Variants in WAC observed in about 807,000 individuals in gnomAD.
WAC encodes WW domain containing adaptor with coiled-coil, also known as WW domain-containing adapter protein with coiled-coil.
WAC carries 11 observed loss-of-function variants against 79.6 expected under a neutral mutation model. The observed-to-expected ratio is 0.14, with a 90% CI of 0.09 to 0.23. WAC has a LOEUF of 0.23. WAC is among the 10% of genes least tolerant of loss of function. The probability of loss-of-function intolerance (pLI) is 1.00; values close to 1 mark genes in which losing one functional copy is unlikely to be tolerated. For missense variants in WAC, 728 were observed against 773.5 expected (o/e 0.94, Z 0.70); for synonymous variants, 304 against 276.9 (o/e 1.10, Z -0.97).
At chr10:28,558,838 C>T (rs1838140946) in intron 3 of WAC, among the ~76,000 whole-genome samples, 1 of 152,160 alleles carries the variant, frequency 6.6e-6, no homozygotes, top group Non-Finnish European at 1.5e-5. Flanking sequence ...GGGCTTTTTA[C>T]TTGATACAGT....
chr10:28,590,912 T>A, intron 6 of WAC, 80 bp downstream of exon 6: 1 of 994,124 alleles, frequency 1.0e-6, no homozygotes, highest in Non-Finnish European at 1.5e-6. Context: ...CATTGCCATC[T>A]ACATATGTAA....
intron 9 of WAC, chr10:28,611,235 C>T: frequency 7.8e-7 from 1 of 1,286,860 alleles, no homozygotes; most frequent in African/African-American, 1.5e-5. Context: ...TGGAAATGCT[C>T]ATTTTCTGCC....
chr10:28,597,133 T>G (rs969967085), intron 7 of WAC, among the ~76,000 whole-genome samples: 2 of 152,146 alleles, frequency 1.3e-5, no homozygotes, highest in South Asian at 4.1e-4. Flanking sequence ...CCATATACTT[T>G]AGTATATATA....
Position 28,595,869 on chromosome 10 carries a change from C to G in WAC, c.747C>G (p.Pro249=). ...THSSSTPVQH[P]IKPVVHPTAT... Reference sequence around the variant, plus strand: ...GTAGTTCTACGCCAGTACAGCACCCCATCAAACCAGTGGTTCATCCAACTG... The same window carrying G: ...GTAGTTCTACGCCAGTACAGCACCCGATCAAACCAGTGGTTCATCCAACTG... Residue 249 remains proline (P), a synonymous_variant, in exon 7 of 14, where the codon CCC becomes CCG. Transcript: ENST00000354911. The G allele has an allele frequency of 6.2e-7, 1 of 1,614,182 alleles. No individual in the cohort carries two copies. Among genetic ancestry groups the G allele is most frequent in the Non-Finnish European group, 8.5e-7 (1 of 1,180,010 alleles).
At chr10:28,539,036 T>G (rs926271903) in intron 3 of WAC, among the ~76,000 whole-genome samples, 7 of 152,176 alleles carry the variant, frequency 4.6e-5, no homozygotes, top group Non-Finnish European at 7.4e-5. Flanking sequence ...TTTCCCAGTT[T>G]TTCATTTTAA....
intron 4 of WAC, among the ~76,000 whole-genome samples, chr10:28,586,828 G>A (rs1186414378): frequency 6.6e-6 from 1 of 152,222 alleles, no homozygotes; most frequent in Non-Finnish European, 1.5e-5. Flanking sequence ...TAAAGACACT[G>A]TAATTGAGAT....
intron 11 of WAC, chr10:28,614,908 T>C (rs1191201076): frequency 1.1e-5 from 4 of 365,094 alleles, no homozygotes; most frequent in African/African-American, 4.2e-5. Flanking sequence ...AGTGGCTCTT[T>C]AAAATTTTAC....
Position 28,533,158 on chromosome 10 carries a change from CCAGCGGCGGCGG to C in WAC, c.-420_-409del, listed in dbSNP as rs1836363621. On this transcript the variant is annotated 5_prime_UTR_variant, in exon 1 of 14. Coordinates refer to ENST00000354911, the MANE Select transcript of WAC (RefSeq NM_016628.5). ...AGTTGGTGGAGCGGCAGCGGCGGCA[CCAGCGGCGGCGG>C]CGGCGGCGGGAGGAGGAGGAGGAGA... Among the ~76,000 whole-genome samples the C allele has an allele frequency of 6.6e-6, 1 of 151,306 alleles. No homozygotes were observed. The highest frequency in any genetic ancestry group is 2.4e-5 in the African/African-American group (1 of 41,234).
intron 9 of WAC, chr10:28,611,198 C>T (rs910859707): frequency 9.5e-6 from 11 of 1,152,028 alleles, no homozygotes; most frequent in African/African-American, 9.5e-5. Context: ...TTCAGATTGA[C>T]GTTAGATGTT....
chr10:28,533,673 G>A (rs1836415270), intron 1 of WAC, 53 bp downstream of exon 1: 2 of 1,513,072 alleles, frequency 1.3e-6, no homozygotes, highest in African/African-American at 1.4e-5. Flanking sequence ...GGCGGCGGGG[G>A]GGCTGTTCCT....
At chr10:28,560,576 G>A (rs1390151557) in intron 3 of WAC, among the ~76,000 whole-genome samples, 1 of 152,132 alleles carries the variant, frequency 6.6e-6, no homozygotes, top group Non-Finnish European at 1.5e-5. Flanking sequence ...AGAGTCGAAG[G>A]CACAGATTTG....
At chr10:28,561,238 A>G (rs144994059) in intron 3 of WAC, among the ~76,000 whole-genome samples, 123 of 152,326 alleles carry the variant, frequency 8.1e-4, no homozygotes, top group Middle Eastern at 3.4e-3. Flanking sequence ...AAGTTACACA[A>G]ACAGTAATAC....
chr10:28,590,897 G>A (rs1840048507), intron 6 of WAC, 65 bp downstream of exon 6: 7 of 1,215,942 alleles, frequency 5.8e-6, no homozygotes, highest in Non-Finnish European at 8.2e-6. Context: ...TTTCAAATCT[G>A]TATCCATTGC....
At chr10:28,594,427 GCTTA>G (rs751633663) in intron 6 of WAC, among the ~76,000 whole-genome samples, 12 of 152,174 alleles carry the variant, frequency 7.9e-5, no homozygotes, top group Non-Finnish European at 1.8e-4. Flanking sequence ...CAAGTTGATA[GCTTA>G]CTTATATATT....
chr10:28,614,786 C>T, intron 11 of WAC, 101 bp downstream of exon 11: 1 of 978,194 alleles, frequency 1.0e-6, no homozygotes, highest in Non-Finnish European at 1.5e-6. Flanking sequence ...AACCTTTAAA[C>T]TCCATGAATA....
At chr10:28,569,495 G>T (rs1358147864) in intron 3 of WAC, among the ~76,000 whole-genome samples, 2 of 152,208 alleles carry the variant, frequency 1.3e-5, no homozygotes, top group Admixed American at 6.5e-5. Context: ...GTGCTAAGGG[G>T]TGTATATAGT....
intron 3 of WAC, 76 bp from the exon 4 acceptor site, chr10:28,583,323 G>T: frequency 9.5e-7 from 1 of 1,052,828 alleles, no homozygotes; most frequent in Middle Eastern, 2.4e-4. Context: ...ATAATATCTA[G>T]TATGATAGAA....
chr10:28,554,230 A>G (rs927041898), intron 3 of WAC, among the ~76,000 whole-genome samples: 2 of 152,208 alleles, frequency 1.3e-5, no homozygotes, highest in Non-Finnish European at 1.5e-5. Context: ...ACACTACTTC[A>G]TATAAGGGAA....
intron 3 of WAC, among the ~76,000 whole-genome samples, chr10:28,580,820 G>C (rs1165548831): frequency 6.6e-6 from 1 of 152,024 alleles, no homozygotes; most frequent in Non-Finnish European, 1.5e-5. Flanking sequence ...ATTTTCCTTT[G>C]TTACTAAGCA....
Sources: gnomAD v4.1 joint callset for allele counts (sites outside exome capture counted in the v4.1 genomes callset) on GRCh38, gnomAD v4.1.1 for gene constraint, MANE v1.5 for transcripts, NCBI Gene and HGNC (gene_info 2026-07-23, HGNC 2026-07-21) for gene names.